SETBP1: variants seen among roughly 807,000 people sequenced by gnomAD.
The protein encoded by SETBP1 is SET binding protein 1.
A neutral mutation model predicts 101.0 loss-of-function variants in SETBP1; 9 were observed. The observed-to-expected ratio is 0.09, with a 90% CI of 0.05 to 0.16. The LOEUF (loss-of-function observed/expected upper bound fraction) is 0.16. Ranked by LOEUF, SETBP1 falls within the 10% of genes least tolerant of loss-of-function variation. The pLI, the probability that SETBP1 is intolerant of heterozygous loss-of-function variation, is 1.00. For synonymous variants in SETBP1, 818 were observed against 788.5 expected (o/e 1.04, Z -0.63); for missense variants, 1,858 against 2,033.8 (o/e 0.91, Z 1.66).
chr18:44,923,005 C>T (rs1224632032), intron 3 of SETBP1, among the ~76,000 whole-genome samples: 1 of 152,168 alleles, frequency 6.6e-6, no homozygotes, highest in Non-Finnish European at 1.5e-5. Flanking sequence ...ATGGATTAAC[C>T]TAGCCTTGAA....
intron 2 of SETBP1, among the ~76,000 whole-genome samples, chr18:44,794,733 C>T (rs2071438696): frequency 6.6e-6 from 1 of 152,164 alleles, no homozygotes; most frequent in African/African-American, 2.4e-5. Context: ...ATTTGCTGGA[C>T]CTCCTACCTT....
chr18:45,007,748 T>G (rs1256260669), intron 4 of SETBP1, among the ~76,000 whole-genome samples: 1 of 152,222 alleles, frequency 6.6e-6, no homozygotes, highest in Non-Finnish European at 1.5e-5. Flanking sequence ...GCTGGCCATA[T>G]TCTGTCTCTT....
At chr18:44,851,509 A>G (rs990055472) in intron 2 of SETBP1, among the ~76,000 whole-genome samples, 3 of 152,082 alleles carry the variant, frequency 2.0e-5, no homozygotes, top group African/African-American at 7.2e-5. Context: ...TTGCATCTTT[A>G]TTGTTCTTTC....
At chr18:44,916,558 T>A (rs1458863467) in intron 3 of SETBP1, among the ~76,000 whole-genome samples, 1 of 152,166 alleles carries the variant, frequency 6.6e-6, no homozygotes, top group Non-Finnish European at 1.5e-5. Context: ...CACAGTGAAA[T>A]CTTAGACTGA....
At chr18:44,686,164 C>T (rs2068836651) in intron 1 of SETBP1, among the ~76,000 whole-genome samples, 1 of 152,232 alleles carries the variant, frequency 6.6e-6, no homozygotes. Context: ...TCTCCAGAAT[C>T]AGGAAAGTTC....
At chr18:44,795,585 G>A (rs534615643) in intron 2 of SETBP1, among the ~76,000 whole-genome samples, 1 of 152,322 alleles carries the variant, frequency 6.6e-6, no homozygotes, top group African/African-American at 2.4e-5. Flanking sequence ...CCTGAAGAAT[G>A]TTTTTAAGGT....
chr18:44,798,525 A>G (rs915065579), intron 2 of SETBP1, among the ~76,000 whole-genome samples: 4 of 152,194 alleles, frequency 2.6e-5, no homozygotes, highest in African/African-American at 9.7e-5. Flanking sequence ...ATAGGAAGAT[A>G]CCCAGGAATC....
intron 3 of SETBP1, among the ~76,000 whole-genome samples, chr18:44,899,765 G>C (rs978137174): frequency 6.6e-6 from 1 of 151,854 alleles, no homozygotes; most frequent in African/African-American, 2.4e-5. Context: ...ATCCCTCTAA[G>C]GTAGAAGAGA....
At chr18:44,791,460 C>A (rs2071369927) in intron 2 of SETBP1, among the ~76,000 whole-genome samples, 1 of 152,122 alleles carries the variant, frequency 6.6e-6, no homozygotes. Flanking sequence ...ATAAAACAGA[C>A]AAATCAGTGC....
At chr18:44,736,802 A>G (rs1359190991) in intron 2 of SETBP1, among the ~76,000 whole-genome samples, 1 of 152,220 alleles carries the variant, frequency 6.6e-6, no homozygotes, top group Non-Finnish European at 1.5e-5. Flanking sequence ...TACAGTTTGC[A>G]TGACTTTGCA....
At chr18:45,004,113 TG>T (rs1166287806) in intron 4 of SETBP1, among the ~76,000 whole-genome samples, 1 of 152,228 alleles carries the variant, frequency 6.6e-6, no homozygotes, top group Non-Finnish European at 1.5e-5. Context: ...CGTGCTGAAG[TG>T]GAGAAATCCT....
chr18:44,829,916 G>T (rs566982766), intron 2 of SETBP1, among the ~76,000 whole-genome samples: 103 of 152,222 alleles, frequency 6.8e-4, no homozygotes, highest in Non-Finnish European at 1.2e-3. Context: ...AGACTTGATG[G>T]GTTCTAAATA....
At chr18:44,830,900 G>A (rs2072348631) in intron 2 of SETBP1, among the ~76,000 whole-genome samples, 1 of 152,212 alleles carries the variant, frequency 6.6e-6, no homozygotes, top group Non-Finnish European at 1.5e-5. Flanking sequence ...CCAGTTTGAA[G>A]TGTTTCCTTG....
At chr18:44,970,864 T>C (rs1162245257) in intron 4 of SETBP1, among the ~76,000 whole-genome samples, 1 of 151,982 alleles carries the variant, frequency 6.6e-6, no homozygotes, top group African/African-American at 2.4e-5. Context: ...CTTGTTTTCT[T>C]TTCTTTTTTT....
intron 4 of SETBP1, among the ~76,000 whole-genome samples, chr18:45,020,168 C>T (rs2073027685): frequency 6.7e-6 from 1 of 148,394 alleles, no homozygotes. Context: ...GTGGCTTCTC[C>T]TCGATCCCTT....
chr18:44,748,041 A>G (rs1407547444), intron 2 of SETBP1, among the ~76,000 whole-genome samples: 1 of 152,180 alleles, frequency 6.6e-6, no homozygotes, highest in East Asian at 1.9e-4. Flanking sequence ...GGCTGGCAGT[A>G]CCCTGACTGC....
intron 2 of SETBP1, among the ~76,000 whole-genome samples, chr18:44,849,105 A>C (rs2072792950): frequency 6.6e-6 from 1 of 152,190 alleles, no homozygotes; most frequent in Admixed American, 6.5e-5. Context: ...CTGTGTACTG[A>C]CTGGATGTCT....
intron 3 of SETBP1, among the ~76,000 whole-genome samples, chr18:44,923,078 A>T (rs2070617850): frequency 6.6e-6 from 1 of 152,206 alleles, no homozygotes; most frequent in Non-Finnish European, 1.5e-5. Flanking sequence ...GCAAAGAAGG[A>T]TGGTGTCATG....
chr18:44,680,499 C>G (rs2068740765), upstream of SETBP1: 1 of 152,076 alleles, frequency 6.6e-6, no homozygotes, highest in African/African-American at 2.4e-5. Context: ...GTGTGCCCTG[C>G]ATGCAAAAGT....
Sources: allele counts gnomAD v4.1 joint callset (sites outside exome capture counted in the v4.1 genomes callset), GRCh38; gene constraint gnomAD v4.1.1; transcripts MANE v1.5; gene names NCBI Gene and HGNC (gene_info 2026-07-23, HGNC 2026-07-21).